The following KCNT2 variants were observed in gnomAD, a reference collection of about 807,000 sequenced individuals.
KCNT2 encodes the protein potassium channel subfamily T member 2.
In KCNT2, 67 loss-of-function variants were observed where a neutral mutation model predicts 153.8. That is an observed-to-expected ratio of 0.44 (90% CI 0.36 to 0.53). KCNT2 has a LOEUF of 0.53. KCNT2 is among the 20% of genes least tolerant of loss of function. The pLI is 0.00. For synonymous variants in KCNT2, 500 were observed against 458.8 expected, an observed-to-expected ratio of 1.09 and a Z score of -1.15; for missense variants, 975 against 1,354.8, an observed-to-expected ratio of 0.72 and a Z score of 4.40.
intron 14 of KCNT2, chr1:196,343,025 A>G (rs971200394): frequency 1.3e-5 from 2 of 152,188 alleles, no homozygotes; most frequent in African/African-American, 4.8e-5. Flanking sequence ...AATACAAGTC[A>G]GCAGTTTAAA....
chr1:196,381,229 T>G (rs914723728), intron 13 of KCNT2, among the ~76,000 whole-genome samples: 1 of 152,088 alleles, frequency 6.6e-6, no homozygotes, highest in South Asian at 2.1e-4. Flanking sequence ...GGGCTCAAAT[T>G]TCCTCTACCC....
At chr1:196,607,521 T>C (rs1407930524) in intron 1 of KCNT2, among the ~76,000 whole-genome samples, 1 of 151,390 alleles carries the variant, frequency 6.6e-6, no homozygotes, top group Non-Finnish European at 1.5e-5. Flanking sequence ...ACATATATTC[T>C]GTTTCAGTTA....
At chr1:196,254,842 T>G (rs1656318406) in intron 26 of KCNT2, among the ~76,000 whole-genome samples, 1 of 151,596 alleles carries the variant, frequency 6.6e-6, no homozygotes, top group Non-Finnish European at 1.5e-5. Flanking sequence ...AAATTATAAT[T>G]TCCTTGACAA....
chr1:196,379,427 C>G (rs1328517550), intron 13 of KCNT2, among the ~76,000 whole-genome samples: 1 of 151,924 alleles, frequency 6.6e-6, no homozygotes, highest in African/African-American at 2.4e-5. Flanking sequence ...AAAAAATTAG[C>G]CAGGCGTGGT....
intron 1 of KCNT2, among the ~76,000 whole-genome samples, chr1:196,583,641 G>A (rs991703627): frequency 6.6e-6 from 1 of 151,742 alleles, no homozygotes; most frequent in Non-Finnish European, 1.5e-5. Context: ...AAGATGAGTA[G>A]GACATAAAAC....
intron 1 of KCNT2, among the ~76,000 whole-genome samples, chr1:196,600,265 G>C (rs1184324508): frequency 6.6e-6 from 1 of 152,102 alleles, no homozygotes; most frequent in Non-Finnish European, 1.5e-5. Context: ...CTACATGAGA[G>C]GTATGCAATG....
intron 14 of KCNT2, among the ~76,000 whole-genome samples, chr1:196,357,620 G>A (rs1253577713): frequency 1.3e-5 from 2 of 151,792 alleles, no homozygotes; most frequent in African/African-American, 2.4e-5. Context: ...GTTTGTTTTG[G>A]AATTGAGCTA....
In KCNT2 at chr1:196,479,212, A is replaced by G. The variant is rs1221976851; in HGVS notation, c.351T>C (p.Phe117=). The G allele has an allele frequency of 6.3e-7, 1 of 1,575,498 alleles. No individual in the cohort carries two copies. Among genetic ancestry groups the G allele is most frequent in the Non-Finnish European group, 8.7e-7 (1 of 1,150,400 alleles). Residue 117 remains phenylalanine (F), a synonymous_variant, in exon 5 of 28, where the codon TTT becomes TTC. Transcript: ENST00000294725. ...LQVSVALISL[F]ETILLGYLSY... ...TAAGATAACCAAGTAATATTGTTTCAAACAGACTTATCAATGCCACTGAAA... is the reference window on the plus strand; with the variant it reads ...TAAGATAACCAAGTAATATTGTTTCGAACAGACTTATCAATGCCACTGAAA...
At chr1:196,509,137 C>A (rs972872352) in intron 1 of KCNT2, among the ~76,000 whole-genome samples, 1 of 151,644 alleles carries the variant, frequency 6.6e-6, no homozygotes, top group African/African-American at 2.4e-5. Flanking sequence ...GGCTTGGTGG[C>A]GTGTGCCTGT....
intron 1 of KCNT2, among the ~76,000 whole-genome samples, chr1:196,504,607 A>G (rs892564318): frequency 6.6e-6 from 1 of 152,126 alleles, no homozygotes; most frequent in South Asian, 2.1e-4. Flanking sequence ...CCCAGTAATG[A>G]GATGGCTGGG....
At chr1:196,588,729 G>A (rs1662984830) in intron 1 of KCNT2, among the ~76,000 whole-genome samples, 1 of 151,920 alleles carries the variant, frequency 6.6e-6, no homozygotes, top group Admixed American at 6.6e-5. Context: ...TATAGAAGTT[G>A]TATAGTTATG....
At chr1:196,322,528 T>G (rs1663426220) in intron 19 of KCNT2, among the ~76,000 whole-genome samples, 1 of 151,922 alleles carries the variant, frequency 6.6e-6, no homozygotes, top group Non-Finnish European at 1.5e-5. Context: ...GAGTCTTAAC[T>G]GTAATTCTAT....
At chr1:196,342,420 C>CTA (rs71154738) in intron 14 of KCNT2, among the ~76,000 whole-genome samples, 192 bp from the exon 15 acceptor site, 7,719 of 132,394 alleles carry the variant, frequency 0.058, 256 homozygotes, top group African/African-American at 0.081. Context: ...ATTTTGAATA[C>CTA]TATATATATA....
chr1:196,527,146 G>A (rs1572728990), intron 1 of KCNT2, among the ~76,000 whole-genome samples: 2 of 152,112 alleles, frequency 1.3e-5, no homozygotes, highest in Non-Finnish European at 1.5e-5. Flanking sequence ...GTCTTCCAAG[G>A]AACCAGTCAC....
intron 22 of KCNT2, among the ~76,000 whole-genome samples, chr1:196,289,291 T>C (rs184627416): frequency 2.1e-4 from 32 of 152,102 alleles, no homozygotes; most frequent in Admixed American, 3.3e-4. Flanking sequence ...CAGTTACTCT[T>C]GAATATAACC....
intron 1 of KCNT2, among the ~76,000 whole-genome samples, chr1:196,547,850 T>A (rs559134077): frequency 2.4e-4 from 37 of 151,950 alleles, no homozygotes; most frequent in African/African-American, 8.4e-4. Flanking sequence ...AATCATTTCA[T>A]AAAATTATAG....
intron 22 of KCNT2, among the ~76,000 whole-genome samples, chr1:196,304,377 G>A (rs1283898877): frequency 6.6e-6 from 1 of 152,084 alleles, no homozygotes; most frequent in Non-Finnish European, 1.5e-5. Context: ...TTTTAGAAAT[G>A]GGATCTCACT....
intron 8 of KCNT2, among the ~76,000 whole-genome samples, chr1:196,444,201 A>G (rs1333066070): frequency 6.6e-6 from 1 of 151,306 alleles, no homozygotes; most frequent in Non-Finnish European, 1.5e-5. Context: ...GCCTCCATGC[A>G]CATGTAAATA....
At chr1:196,566,819 G>A (rs1660169674) in intron 1 of KCNT2, among the ~76,000 whole-genome samples, 2 of 152,164 alleles carry the variant, frequency 1.3e-5, no homozygotes, top group South Asian at 2.1e-4. Context: ...CCTTCCAGGA[G>A]AAAAGTATAG....
Sources: allele counts gnomAD v4.1 joint callset (sites outside exome capture counted in the v4.1 genomes callset), GRCh38; gene constraint gnomAD v4.1.1; transcripts MANE v1.5; gene names NCBI Gene and HGNC (gene_info 2026-07-23, HGNC 2026-07-21).